The following LRRC37A2 variants were observed in gnomAD, a reference collection of about 807,000 sequenced individuals.
LRRC37A2 encodes the protein leucine rich repeat containing 37 member A2, also known as leucine-rich repeat-containing protein 37A2.
A neutral mutation model predicts 68.8 loss-of-function variants in LRRC37A2; 9 were observed. The observed-to-expected ratio is 0.13, with a 90% CI of 0.08 to 0.23. LRRC37A2 has a LOEUF of 0.23. LRRC37A2 is among the 10% of genes least tolerant of loss of function. LRRC37A2 has a pLI of 1.00. For synonymous variants in LRRC37A2, 63 were observed against 367.6 expected (o/e 0.17, Z 9.48); for missense variants, 168 against 950.4 (o/e 0.18, Z 10.82).
chr17:46,931,327 T>C, the LRRC37A2 span: 1 of 707,096 alleles, frequency 1.4e-6, no homozygotes, highest in South Asian at 1.6e-5. Context: ...ACTATGACTA[T>C]GCAAAGAAAA....
At chr17:46,957,952 T>A in the LRRC37A2 span, among the ~76,000 whole-genome samples, 1 of 148,908 alleles carries the variant, frequency 6.7e-6, no homozygotes, top group South Asian at 2.2e-4. Context: ...TGAGAGGGAG[T>A]CGGAGATCTG....
chr17:47,037,785 A>G, the LRRC37A2 span, among the ~76,000 whole-genome samples: 5 of 152,114 alleles, frequency 3.3e-5, no homozygotes, highest in Admixed American at 2.0e-4. Flanking sequence ...TTTGATTACT[A>G]CCTCAATCTC....
the LRRC37A2 span, among the ~76,000 whole-genome samples, chr17:46,967,325 A>G: frequency 2.0e-5 from 3 of 152,244 alleles, no homozygotes; most frequent in African/African-American, 7.2e-5. Flanking sequence ...CCTCAAATGT[A>G]AAGTAAAAAT....
the LRRC37A2 span, among the ~76,000 whole-genome samples, chr17:46,661,378 TTTATTATTATTA>T: frequency 9.4e-5 from 10 of 106,550 alleles, no homozygotes; most frequent in South Asian, 1.6e-3. Flanking sequence ...TACATTTCTT[TTTATTATTATTA>T]TTATTATTAT....
chr17:46,947,139 A>G, the LRRC37A2 span, among the ~76,000 whole-genome samples: 3 of 152,174 alleles, frequency 2.0e-5, no homozygotes, highest in South Asian at 4.1e-4. Flanking sequence ...GGACCCTGAC[A>G]TGAATGTGGA....
At chr17:46,987,360 G>A in the LRRC37A2 span, among the ~76,000 whole-genome samples, 1 of 152,084 alleles carries the variant, frequency 6.6e-6, no homozygotes, top group Non-Finnish European at 1.5e-5. Flanking sequence ...GGACGCTCAG[G>A]ACTTCATCCA....
chr17:46,798,041 G>A, the LRRC37A2 span, among the ~76,000 whole-genome samples: 832 of 152,246 alleles, frequency 5.5e-3, 4 homozygotes, highest in Middle Eastern at 0.01. Context: ...CGATTCTCCT[G>A]CCTCAGCCTC....
the LRRC37A2 span, among the ~76,000 whole-genome samples, chr17:46,860,919 C>T: frequency 2.0e-5 from 3 of 152,124 alleles, no homozygotes; most frequent in Non-Finnish European, 2.9e-5. Context: ...AGTGCAATGG[C>T]TTGATCATAG....
chr17:46,923,135 T>A, the LRRC37A2 span: 11 of 1,173,934 alleles, frequency 9.4e-6, no homozygotes, highest in Non-Finnish European at 1.4e-5. Flanking sequence ...GAAGGGGGGC[T>A]GTGAGGACGT....
the LRRC37A2 span, among the ~76,000 whole-genome samples, chr17:46,749,371 G>A: frequency 1.3e-5 from 2 of 152,164 alleles, no homozygotes; most frequent in Non-Finnish European, 1.5e-5. Context: ...TCTAAAAAGT[G>A]TACTAAAGCC....
the LRRC37A2 span, among the ~76,000 whole-genome samples, chr17:46,476,606 T>C: frequency 9.5e-6 from 1 of 104,960 alleles, no homozygotes; most frequent in Non-Finnish European, 2.3e-5. Context: ...ATCGCCTGAA[T>C]CCAGGAGGCA....
chr17:46,768,367 TGAC>T, the LRRC37A2 span: 1 of 1,613,766 alleles, frequency 6.2e-7, no homozygotes, highest in Non-Finnish European at 8.5e-7. This position sits in a 1 kb window ranked among gnomAD's most constrained non-coding sequence, Gnocchi z 5.0. Flanking sequence ...TCCTGGCAGC[TGAC>T]GTAGCAGCAC....
chr17:46,949,869 T>C, the LRRC37A2 span, among the ~76,000 whole-genome samples: 3 of 152,010 alleles, frequency 2.0e-5, no homozygotes, highest in Non-Finnish European at 4.4e-5. Context: ...TCAGGTTCAG[T>C]GTGGAGGAGG....
chr17:46,875,017 G>A, the LRRC37A2 span: 2 of 1,609,234 alleles, frequency 1.2e-6, no homozygotes, highest in East Asian at 2.2e-5. Flanking sequence ...CTGGCCCTCA[G>A]AGGGCGGCAG....
At chr17:46,988,476 A>T in the LRRC37A2 span, among the ~76,000 whole-genome samples, 3 of 152,208 alleles carry the variant, frequency 2.0e-5, no homozygotes, top group Non-Finnish European at 4.4e-5. Flanking sequence ...ATTTTATGTT[A>T]TGTGTATTTC....
At chr17:46,694,399 A>T in the LRRC37A2 span, 1 of 1,130,688 alleles carries the variant, frequency 8.8e-7, no homozygotes, top group South Asian at 1.3e-5. Context: ...AATAATAGTA[A>T]TAATAATAAT....
chr17:46,784,639 C>A, the LRRC37A2 span, among the ~76,000 whole-genome samples: 2 of 152,182 alleles, frequency 1.3e-5, no homozygotes, highest in Non-Finnish European at 2.9e-5. Flanking sequence ...GCCCAGCCAA[C>A]ACTGGCAGCA....
chr17:46,810,740 G>A, the LRRC37A2 span, among the ~76,000 whole-genome samples: 3 of 152,016 alleles, frequency 2.0e-5, no homozygotes, highest in East Asian at 1.9e-4. Flanking sequence ...TGACCTGAAC[G>A]CGGAATACAG....
the LRRC37A2 span, among the ~76,000 whole-genome samples, chr17:46,839,958 T>C: frequency 7.1e-6 from 1 of 141,334 alleles, no homozygotes. Flanking sequence ...CTTTCTTTCT[T>C]TCTTTCTTTC....
Sources: allele counts gnomAD v4.1 joint callset (sites outside exome capture counted in the v4.1 genomes callset), GRCh38; gene constraint gnomAD v4.1.1; non-coding constraint Gnocchi (gnomAD v3.1); transcripts MANE v1.5; gene names NCBI Gene and HGNC (gene_info 2026-07-23, HGNC 2026-07-21).